Variants in MIER2 observed in about 807,000 individuals in gnomAD.
MIER2 encodes the protein mesoderm induction early response protein 2.
Under a neutral mutation model 67.6 loss-of-function variants are expected in MIER2, and 30 were observed. The observed-to-expected ratio is 0.44, with a 90% confidence interval of 0.33 to 0.60. The LOEUF (loss-of-function observed/expected upper bound fraction) is 0.60, where lower values mean the gene tolerates loss of function less well. Among genes scored for constraint, MIER2 ranks in the 20% least tolerant of loss-of-function variants. The pLI, the probability that MIER2 is intolerant of heterozygous loss-of-function variation, is 0.02. For missense variants in MIER2, 702 were observed against 745.1 expected (o/e 0.94, Z 0.67); for synonymous variants, 372 against 312.6 (o/e 1.19, Z -2.00).
At chr19:328,376 AG>A (rs1464384708) in intron 3 of MIER2, among the ~76,000 whole-genome samples, 2 of 151,982 alleles carry the variant, frequency 1.3e-5, no homozygotes, top group Non-Finnish European at 2.9e-5. Flanking sequence ...AGGGGAAAAA[AG>A]TTATCTGAAA....
At position 307,407 on chromosome 19, in the gene MIER2, G is replaced by C; in HGVS notation, c.1328C>G (p.Ser443Cys). ...GTCGGCCAGGGCTGGGGGCCGATGG[G>C]ACAGGGGTACAGCGGGGGACTCATC... Reference protein sequence around the residue: ...QLDESPAVPLSHRPPALADPA... With the variant: ...QLDESPAVPLCHRPPALADPA... Residue 443 changes from serine to cysteine, a missense_variant, in exon 13 of 14, where the codon TCC becomes TGC. Physicochemically the swap from Ser to Cys is moderately radical, Grantham distance 112. Transcript: ENST00000264819. The C allele has an allele frequency of 6.2e-7, 1 of 1,607,094 alleles. No homozygotes were observed. Among genetic ancestry groups the C allele is most frequent in the African/African-American group, 1.3e-5 (1 of 75,016 alleles).
chr19:309,709 C>T (rs969894714), intron 10 of MIER2, among the ~76,000 whole-genome samples: 2 of 118,860 alleles, frequency 1.7e-5, no homozygotes, highest in Admixed American at 1.8e-4. Context: ...AAGGGACACA[C>T]ACACGCACAC....
chr19:336,266 G>C (rs1374911934), intron 1 of MIER2, 93 bp from the exon 2 acceptor site: 10 of 1,037,050 alleles, frequency 9.6e-6, no homozygotes, highest in Non-Finnish European at 1.1e-5. Flanking sequence ...GCTGGTCAGA[G>C]CCCAGTCCCC....
At chr19:323,208 C>T (rs1971571161) in intron 7 of MIER2, among the ~76,000 whole-genome samples, 1 of 132,990 alleles carries the variant, frequency 7.5e-6, no homozygotes, top group Non-Finnish European at 1.7e-5. Context: ...ACAAGACACA[C>T]ACAACCACGC....
chr19:316,271 CAAT>C (rs981926719), intron 7 of MIER2, among the ~76,000 whole-genome samples: 76 of 151,982 alleles, frequency 5.0e-4, no homozygotes, highest in African/African-American at 1.7e-3. Context: ...TTTAAAACAA[CAAT>C]GTTATCATCT....
At position 310,527 on chromosome 19, in the gene MIER2, T is replaced by TAGAAACACGGCCCGGAGCTGC. The variant is rs1164207865; in HGVS notation, c.984+1297_984+1317dup. On this transcript the variant is annotated intron_variant, in intron 10 of 13. Transcript: ENST00000264819. ...GTTACAAAAACGCGGCCCTGAGCTA[T>TAGAAACACGGCCCGGAGCTGC]AGAAACACGGCCCGGAGCTGCAGAA... 2.2e-3 allele frequency among the ~76,000 whole-genome samples: 119 copies of TAGAAACACGGCCCGGAGCTGC among 53,808 alleles called. 3 individuals are homozygous for TAGAAACACGGCCCGGAGCTGC. The highest frequency in any genetic ancestry group is 0.011 in the African/African-American group (58 of 5,214). The allele number at this position is 53,808 out of a possible 152,430, so 35.3% of individuals were successfully genotyped here.
At position 318,860 on chromosome 19, in the gene MIER2, T is replaced by C. The variant is rs1399636189; in HGVS notation, c.656-5217A>G. The stretch of plus-strand genomic sequence containing the variant: ...TCATGAGGTCAGGAGATCCAGACCA[T>C]CCTGGCTAACACAGTGAAACCCCGT... On this transcript the variant is annotated intron_variant, in intron 7 of 13. Coordinates refer to ENST00000264819, the MANE Select transcript of MIER2 (RefSeq NM_017550.3). 1.8e-4 allele frequency among the ~76,000 whole-genome samples: 27 copies of C among 151,724 alleles called. 1 individual carries two copies. Among genetic ancestry groups the C allele is most frequent in the Admixed American group, 6.6e-5 (1 of 15,210 alleles).
intron 3 of MIER2, among the ~76,000 whole-genome samples, chr19:333,203 G>A (rs71335232): frequency 1.0e-5 from 1 of 100,120 alleles, no homozygotes; most frequent in East Asian, 4.5e-4. Flanking sequence ...TCACCATGTT[G>A]GCCAGCCTGA....
intron 5 of MIER2, chr19:326,895 C>T: frequency 1.7e-6 from 1 of 595,140 alleles, no homozygotes; most frequent in Non-Finnish European, 2.9e-6. Flanking sequence ...CCTGGATCTG[C>T]TAGGGGAACC....
rs968703778 is a variant in MIER2, at chr19:312,011, G to A, written c.890-72C>T. 8.0e-5 allele frequency: 99 copies of A among 1,231,708 alleles called. 1 individual carries two copies. The highest frequency in any genetic ancestry group is 4.4e-5 in the Admixed American group (2 of 45,098). The allele number at this position is 1,231,708 out of a possible 1,614,324, so 76.3% of individuals were successfully genotyped here. A position where few individuals can be genotyped will look rare whatever the true frequency, so the allele number is the denominator to read the frequency against. On this transcript the variant is annotated intron_variant, in intron 9 of 13. Transcript: ENST00000264819. ...CCGCAGCGGAAGGAAGGCCCAGGCC[G>A]GGGAGAACAGTCAGCGGCGCCCAGG...
In MIER2 at chr19:332,445, G is replaced by T. The variant is rs1163036133; in HGVS notation, c.243+1955C>A. On this transcript the variant is annotated intron_variant, in intron 3 of 13. Transcript: ENST00000264819. ...AGCCCTTTGAGTGCTGGGATTACAG[G>T]CGCCTGCTACCACGCCCGGCTAATT... Among the ~76,000 whole-genome samples the T allele has an allele frequency of 3.6e-3, 549 of 151,966 alleles. 4 individuals carry two copies. The highest frequency in any genetic ancestry group is 0.013 in the African/African-American group (529 of 41,404).
chr19:337,902 A>C, intron 1 of MIER2, among the ~76,000 whole-genome samples: 1 of 123,846 alleles, frequency 8.1e-6, no homozygotes, highest in Non-Finnish European at 1.7e-5. Flanking sequence ...GGCTGGGCGC[A>C]GTGGCTCACG....
chr19:310,830 G>GTCCAGAAACACGGCCCACAAC (rs1170915680), intron 10 of MIER2, among the ~76,000 whole-genome samples: 14 of 142,032 alleles, frequency 9.9e-5, no homozygotes, highest in African/African-American at 3.7e-4. Flanking sequence ...ACGGCCAGGA[G>GTCCAGAAACACGGCCCACAAC]TCCAGAAACA....
At position 336,165 on chromosome 19, in the gene MIER2, C is replaced by T. The variant is rs554947249; in HGVS notation, c.18G>A (p.Ser6=). ...CCACGCGAGGACTCTGCCTCCCCAG[C>T]GAGGAGGCCTGCGAAGGAAGAGAGG... The part of the protein sequence containing the change: MAEAS[S]LGRQSPRVVS... Residue 6 remains serine, a synonymous_variant, in exon 2 of 14, where the codon TCG becomes TCA. Transcript: ENST00000264819. 39 of 1,612,796 alleles carry T rather than the reference C, an allele frequency of 2.4e-5. No individual in the cohort carries two copies. The highest frequency in any genetic ancestry group is 2.1e-4 in the African/African-American group (16 of 74,934).
chr19:341,768 G>C (rs2145574606), intron 1 of MIER2, among the ~76,000 whole-genome samples: 1 of 152,264 alleles, frequency 6.6e-6, no homozygotes, highest in East Asian at 1.9e-4. Context: ...AACAAAAAAA[G>C]CAAAGGAAGC....
At chr19:343,985 A>G (rs1469815521) in intron 1 of MIER2, 33 of 985,348 alleles carry the variant, frequency 3.3e-5, no homozygotes, top group Non-Finnish European at 4.0e-5. Context: ...GGGTTTGATC[A>G]AACATCACAG....
At chr19:319,994 C>A (rs115956107) in intron 7 of MIER2, among the ~76,000 whole-genome samples, 101 of 152,252 alleles carry the variant, frequency 6.6e-4, no homozygotes, top group African/African-American at 2.3e-3. Flanking sequence ...GTGCTCACAG[C>A]GAGCATGTAA....
intron 1 of MIER2, among the ~76,000 whole-genome samples, chr19:337,870 CAAAAAAAAA>C (rs34553732): frequency 5.4e-5 from 2 of 37,152 alleles, no homozygotes; most frequent in African/African-American, 1.7e-4. Flanking sequence ...CTCCATCTCA[CAAAAAAAAA>C]AAAAAAAAAA....
intron 7 of MIER2, among the ~76,000 whole-genome samples, chr19:320,878 G>A (rs1225188808): frequency 6.6e-6 from 1 of 152,212 alleles, no homozygotes; most frequent in Non-Finnish European, 1.5e-5. Context: ...GCTTGCGCCT[G>A]AGTGGAGCTT....
Sources: allele counts gnomAD v4.1 joint callset (sites outside exome capture counted in the v4.1 genomes callset), GRCh38; gene constraint gnomAD v4.1.1; transcripts MANE v1.5; gene names NCBI Gene and HGNC (gene_info 2026-07-23, HGNC 2026-07-21).